The following CACNA1I variants were observed in gnomAD, a reference collection of about 807,000 sequenced individuals.
The protein encoded by CACNA1I is voltage-dependent T-type calcium channel subunit alpha-1I.
A neutral mutation model predicts 201.6 loss-of-function variants in CACNA1I; 74 were observed. The ratio of observed to expected loss-of-function variants is 0.37; its 90% CI spans 0.30 to 0.45. The LOEUF (loss-of-function observed/expected upper bound fraction) is 0.45, where lower values mean the gene tolerates loss of function less well. Among genes scored for constraint, CACNA1I ranks in the 20% least tolerant of loss-of-function variants. The pLI, the probability that CACNA1I is intolerant of heterozygous loss-of-function variation, is 1.00. For missense variants in CACNA1I, 2,346 were observed against 3,138.1 expected (o/e 0.75, Z 6.03); for synonymous variants, 1,431 against 1,345.2 (o/e 1.06, Z -1.40).
chr22:39,603,943 A>G lies in CACNA1I; in HGVS notation c.482+3290A>G, dbSNP rs368354488. 6.7e-3 allele frequency among the ~76,000 whole-genome samples: 1,015 copies of G among 152,326 alleles called. 8 individuals carry two copies. The highest frequency in any genetic ancestry group is 0.018 in the South Asian group (89 of 4,828). ...ATAAAAATCTACAAGTTAAAATGTA[A>G]TTTCATAGCATCCAGACCTTTAGTG... On this transcript the variant is annotated intron_variant, in intron 3 of 36. Transcript: ENST00000402142.
intron 3 of CACNA1I, among the ~76,000 whole-genome samples, chr22:39,612,125 A>ATTATTGTGGGAGTGGGATGG (rs1434102349): frequency 1.3e-5 from 2 of 152,070 alleles, no homozygotes; most frequent in African/African-American, 4.8e-5. Context: ...GATTAATGCC[A>ATTATTGTGGGAGTGGGATGG]TTATTGTGGG....
Position 39,685,771 on chromosome 22 carries a change from G to A in CACNA1I, c.6038G>A (p.Ser2013Asn). The A allele has an allele frequency of 1.3e-6, 2 of 1,490,062 alleles. No homozygotes were observed. Among genetic ancestry groups the A allele is most frequent in the Non-Finnish European group, 1.8e-6 (2 of 1,127,258 alleles). 92.3% of individuals were successfully genotyped at this position (1,490,062 alleles called of 1,614,324 possible). ...CCCACCTCCCCCCAGGCCACCGGGAGCGACACGTCGCTGGACGCCAGCCCC... is the reference window on the plus strand; with the variant it reads ...CCCACCTCCCCCCAGGCCACCGGGAACGACACGTCGCTGGACGCCAGCCCC... The part of the protein sequence containing the change: ...NCTLLRQATG[S>N]DTSLDASPSS... Residue 2013 changes from serine (S) to asparagine (N), a missense_variant, in exon 37 of 37, where the codon AGC becomes AAC. Around this residue, in one of 13 missense-constraint regions of CACNA1I, gnomAD observed 441 missense variants for 555.6 expected, o/e 0.79. Coordinates refer to ENST00000402142, the MANE Select transcript of CACNA1I (RefSeq NM_021096.4). This position sits in a 1 kb window ranked among gnomAD's most constrained non-coding sequence, Gnocchi z 5.0.
chr22:39,589,631 C>A (rs1932799176), intron 1 of CACNA1I, among the ~76,000 whole-genome samples: 1 of 152,172 alleles, frequency 6.6e-6, no homozygotes, highest in African/African-American at 2.4e-5. Flanking sequence ...AGGCACAGGC[C>A]ACGTATACAG....
rs1935847482 is a variant in CACNA1I, at chr22:39,685,879, C to T, written c.6146C>T (p.Pro2049Leu). ...AGCCCCCGGCGTGCCCTGGGGCCGC[C>T]CGCGCCTGCTCCAGGACCCCGGGCC... ...SDSPRRALGP[P>L]APAPGPRAGL... Residue 2049 changes from proline (P) to leucine (L), a missense_variant, in exon 37 of 37, where the codon CCC becomes CTC. Transcript: ENST00000402142. The surrounding 1 kb of genome is among the most constrained non-coding windows in gnomAD (Gnocchi z 5.0). The T allele has an allele frequency of 1.4e-6, 2 of 1,461,268 alleles. No individual in the cohort carries two copies. The highest frequency in any genetic ancestry group is 2.6e-5 in the South Asian group (2 of 75,492). 90.5% of individuals were successfully genotyped at this position (1,461,268 alleles called of 1,614,324 possible).
At chr22:39,600,007 GC>G (rs1185772711) in intron 2 of CACNA1I, among the ~76,000 whole-genome samples, 1 of 152,228 alleles carries the variant, frequency 6.6e-6, no homozygotes, top group African/African-American at 2.4e-5. Context: ...TTCCATGGGG[GC>G]TTTGGGGTGA....
chr22:39,646,521 C>A, intron 7 of CACNA1I, 48 bp from the exon 8 acceptor site: 1 of 1,495,618 alleles, frequency 6.7e-7, no homozygotes, highest in African/African-American at 1.4e-5. Flanking sequence ...CCCTTCTGTC[C>A]CCTCCATCCC....
intron 2 of CACNA1I, among the ~76,000 whole-genome samples, chr22:39,598,494 C>A (rs1256185643): frequency 6.6e-6 from 1 of 152,040 alleles, no homozygotes; most frequent in Non-Finnish European, 1.5e-5. Flanking sequence ...CCTGGTCTTA[C>A]CTATTACCCT....
intron 2 of CACNA1I, 42 bp downstream of exon 2, chr22:39,598,304 TC>T: frequency 1.6e-6 from 1 of 625,310 alleles, no homozygotes; most frequent in Non-Finnish European, 2.1e-6. Context: ...GCCCTCATCC[TC>T]CAGGACCCGG....
intron 3 of CACNA1I, among the ~76,000 whole-genome samples, chr22:39,611,032 G>A (rs551962611): frequency 6.6e-5 from 10 of 152,256 alleles, no homozygotes; most frequent in African/African-American, 1.9e-4. Context: ...CCCCTATCAC[G>A]TGGCTGAGGG....
chr22:39,648,108 G>T lies in CACNA1I; in HGVS notation c.1567+182G>T, dbSNP rs1934545712. On this transcript the variant is annotated intron_variant, in intron 9 of 36. Transcript: ENST00000402142. The surrounding 1 kb of genome is among the most constrained non-coding windows in gnomAD (Gnocchi z 5.4). The stretch of plus-strand genomic sequence containing the variant: ...CCCAGCACGTGGCCGTCCACGGCGG[G>T]AGTCAGCCACCCCAGGCCCTGCTCT... 6.6e-6 allele frequency among the ~76,000 whole-genome samples: 1 copy of T among 152,176 alleles called. No homozygotes were observed. The highest frequency in any genetic ancestry group is 6.5e-5 in the Admixed American group (1 of 15,286).
intron 32 of CACNA1I, 46 bp from the exon 33 acceptor site, chr22:39,679,676 C>T (rs1312613808): frequency 1.3e-6 from 2 of 1,553,004 alleles, no homozygotes; most frequent in South Asian, 1.2e-5. Flanking sequence ...GCCCCGGGAC[C>T]CGGCTGATAA....
chr22:39,659,902 CTG>C lies in CACNA1I; in HGVS notation c.2604+51_2604+52del. The stretch of plus-strand genomic sequence containing the variant: ...GCACCCCCACAGGGTCTGCGAAAGA[CTG>C]GGCGAGGGAGAGGTGGCCTGGATGG... On this transcript the variant is annotated intron_variant, in intron 14 of 36. Transcript: ENST00000402142. This position sits in a 1 kb window ranked among gnomAD's most constrained non-coding sequence, Gnocchi z 4.3. 1 of 1,608,158 alleles carries C rather than the reference CTG, an allele frequency of 6.2e-7. No individual in the cohort carries two copies. Among genetic ancestry groups the C allele is most frequent in the South Asian group, 1.1e-5 (1 of 90,942 alleles).
At chr22:39,576,216 C>T (rs1490255565) in intron 1 of CACNA1I, among the ~76,000 whole-genome samples, 1 of 152,230 alleles carries the variant, frequency 6.6e-6, no homozygotes, top group Non-Finnish European at 1.5e-5. Flanking sequence ...AGCGATGGTT[C>T]CTGTAAAGCA....
Position 39,666,089 on chromosome 22 carries a change from C to T in CACNA1I, c.4104+83C>T, listed in dbSNP as rs1935185851. 1 of 1,502,016 alleles carries T rather than the reference C, an allele frequency of 6.7e-7. No individual in the cohort carries two copies. Among genetic ancestry groups the T allele is most frequent in the South Asian group, 1.2e-5 (1 of 82,198 alleles). The allele number at this position is 1,502,016 out of a possible 1,614,324, so 93.0% of individuals were successfully genotyped here. A position where few individuals can be genotyped will look rare whatever the true frequency, so the allele number is the denominator to read the frequency against. ...TCTGGGAATCACAGACCTGGCTTGT[C>T]TTGCACTGCCAGGACTGACACTGAC... On this transcript the variant is annotated intron_variant, in intron 23 of 36. Coordinates refer to ENST00000402142, the MANE Select transcript of CACNA1I (RefSeq NM_021096.4). This position sits in a 1 kb window ranked among gnomAD's most constrained non-coding sequence, Gnocchi z 4.1.
At chr22:39,656,487 C>T (rs563221881) in intron 10 of CACNA1I, 5 of 515,412 alleles carry the variant, frequency 9.7e-6, no homozygotes, top group Non-Finnish European at 1.9e-5. Context: ...CGTCAGCACA[C>T]ACTGGCTTGG....
intron 4 of CACNA1I, among the ~76,000 whole-genome samples, chr22:39,631,888 C>A (rs1163888832): frequency 6.6e-6 from 1 of 152,042 alleles, no homozygotes; most frequent in African/African-American, 2.4e-5. Context: ...TCTTCCCTGG[C>A]AAGGAAGGGA....
chr22:39,658,018 G>A, intron 10 of CACNA1I, 134 bp from the exon 11 acceptor site: 2 of 865,234 alleles, frequency 2.3e-6, no homozygotes, highest in Non-Finnish European at 3.7e-6. Context: ...TTGTGCATGG[G>A]GCAGTGGGGA....
intron 1 of CACNA1I, among the ~76,000 whole-genome samples, chr22:39,582,847 T>C (rs1180899902): frequency 7.1e-6 from 1 of 141,550 alleles, no homozygotes; most frequent in Admixed American, 7.3e-5. Flanking sequence ...GCTTCATCAC[T>C]CCATCCGTTC....
At chr22:39,678,190 C>G in intron 31 of CACNA1I, 82 bp downstream of exon 31, 1 of 1,483,100 alleles carries the variant, frequency 6.7e-7, no homozygotes, top group Non-Finnish European at 9.1e-7. Context: ...CAGGGCTCTG[C>G]CCACCCAGGG....
Sources: allele counts gnomAD v4.1 joint callset (sites outside exome capture counted in the v4.1 genomes callset), GRCh38; gene constraint gnomAD v4.1.1; regional missense constraint gnomAD v4.1.1; non-coding constraint Gnocchi (gnomAD v3.1); transcripts MANE v1.5; gene names NCBI Gene and HGNC (gene_info 2026-07-23, HGNC 2026-07-21).